The following CLNS1A variants were observed in gnomAD, a reference collection of about 807,000 sequenced individuals.
The protein encoded by CLNS1A is chloride nucleotide-sensitive channel 1A.
In CLNS1A, 16 loss-of-function variants were observed where a neutral mutation model predicts 29.4. The ratio of observed to expected loss-of-function variants is 0.54; its 90% CI spans 0.37 to 0.83. The LOEUF (loss-of-function observed/expected upper bound fraction) is 0.83, where lower values mean the gene tolerates loss of function less well. Ranked by LOEUF, CLNS1A falls within the 40% of genes least tolerant of loss-of-function variation. The pLI, the probability that CLNS1A is intolerant of heterozygous loss-of-function variation, is 0.00. For synonymous variants in CLNS1A, 96 were observed against 104.8 expected, an observed-to-expected ratio of 0.92 and a Z score of 0.51; for missense variants, 235 against 287.4, an observed-to-expected ratio of 0.82 and a Z score of 1.32.
chr11:77,622,294 T>C (rs1049517394), intron 5 of CLNS1A, among the ~76,000 whole-genome samples: 11 of 152,162 alleles, frequency 7.2e-5, no homozygotes, highest in African/African-American at 2.2e-4. Context: ...TTTTTGACTA[T>C]GAACAAAGAC....
intron 2 of CLNS1A, among the ~76,000 whole-genome samples, chr11:77,626,171 T>A (rs1959016687): frequency 6.6e-6 from 1 of 152,158 alleles, no homozygotes; most frequent in African/African-American, 2.4e-5. Context: ...TGGACACCCT[T>A]GCCCTCTCAG....
At chr11:77,635,945 G>C (rs1466999152) in intron 1 of CLNS1A, among the ~76,000 whole-genome samples, 1 of 151,660 alleles carries the variant, frequency 6.6e-6, no homozygotes, top group African/African-American at 2.4e-5. Context: ...GTATCCCTAG[G>C]GTTCTACACT....
rs1019820406 is a variant in CLNS1A at position 77,637,767 on chromosome 11, G to C, written c.-53C>G. 6 of 1,510,172 alleles carry C rather than the reference G, an allele frequency of 4.0e-6. No homozygotes were observed. The African/African-American group carries it at 7.0e-5, about 17-fold the overall frequency. The allele number at this position is 1,510,172 out of a possible 1,614,324, so 93.5% of individuals were successfully genotyped here. A position where few individuals can be genotyped will look rare whatever the true frequency, so the allele number is the denominator to read the frequency against. On this transcript the variant is annotated 5_prime_UTR_variant, in exon 1 of 7. Transcript: ENST00000525428. ...TGAGGGAGTTGGAGCACAGCAATGC[G>C]TGCACCACACCGCCCGCCCTGGAAG...
chr11:77,628,807 A>T (rs1032698610), intron 2 of CLNS1A, among the ~76,000 whole-genome samples: 1 of 152,230 alleles, frequency 6.6e-6, no homozygotes, highest in Non-Finnish European at 1.5e-5. Flanking sequence ...CTTTGCAATT[A>T]TCCCAAAGCA....
chr11:77,615,327 C>CT lies in CLNS1A; in HGVS notation c.*1390dup, dbSNP rs1958898272. ...CCATTGAAATGTTAACACTGAAACC[C>CT]TGCAGCAGTGGGGAGAGTGTGCATG... On this transcript the variant is annotated 3_prime_UTR_variant, in exon 7 of 7. Transcript: ENST00000525428. 2.0e-5 allele frequency: 3 copies of CT among 152,106 alleles called. No individual in the cohort carries two copies. Among genetic ancestry groups the CT allele is most frequent in the Admixed American group, 1.3e-4 (2 of 15,238 alleles). The allele number at this position is 152,106 out of a possible 1,614,324, so 9.4% of individuals were successfully genotyped here.
chr11:77,628,015 A>G (rs933476013), intron 2 of CLNS1A, among the ~76,000 whole-genome samples: 4 of 152,074 alleles, frequency 2.6e-5, no homozygotes, highest in Admixed American at 1.3e-4. Context: ...TAGTAGAGAC[A>G]GGGTTTCACC....
chr11:77,621,832 A>T (rs1421010011), intron 5 of CLNS1A: 2 of 388,554 alleles, frequency 5.1e-6, no homozygotes, highest in East Asian at 1.4e-4. Context: ...GTCTCATTTA[A>T]TCAGCTGGAG....
At position 77,637,730 on chromosome 11, in the gene CLNS1A, C is replaced by T. The variant is rs370998252; in HGVS notation, c.-16G>A. 111 of 1,552,028 alleles carry T rather than the reference C, an allele frequency of 7.2e-5. No homozygotes were observed. The highest frequency in any genetic ancestry group is 3.3e-4 in the Middle Eastern group (2 of 5,996). On this transcript the variant is annotated 5_prime_UTR_variant, in exon 1 of 7. Coordinates refer to ENST00000525428, the MANE Select transcript of CLNS1A (RefSeq NM_001293.3). ...GGAAGCTCATAGCAGCAGAGTGCGGCAACACAGGCCCTGAGGGAGTTGGAG... is the reference window on the plus strand; with the variant it reads ...GGAAGCTCATAGCAGCAGAGTGCGGTAACACAGGCCCTGAGGGAGTTGGAG...
Position 77,637,660 on chromosome 11 carries a change from G to A in CLNS1A, c.55C>T (p.Gln19Ter). 1 of 1,573,818 alleles carries A rather than the reference G, an allele frequency of 6.4e-7. No individual in the cohort carries two copies. Among genetic ancestry groups the A allele is most frequent in the Non-Finnish European group, 8.6e-7 (1 of 1,160,184 alleles). ...AGCACAGCCTCAGTGTCTGGCTGCTGCCGCAGGAGCCCCTCCGCTGGCCCA... is the reference window on the plus strand; with the variant it reads ...AGCACAGCCTCAGTGTCTGGCTGCTACCGCAGGAGCCCCTCCGCTGGCCCA... ...PPGPAEGLLR[Q>*]QPDTEAVLNG... The change falls in exon 1 of 7, where the codon CAG (glutamine) becomes TAG (stop). Residue 19 changes from glutamine to a stop codon, truncating the protein, a stop_gained. Coordinates refer to ENST00000525428, the MANE Select transcript of CLNS1A (RefSeq NM_001293.3). LOFTEE classifies it high-confidence loss of function.
rs1296889398 is a variant in CLNS1A, at chr11:77,614,892, CCTG to C, written c.*1823_*1825del. 6.6e-6 allele frequency: 1 copy of C among 152,114 alleles called. No homozygotes were observed. Among genetic ancestry groups the C allele is most frequent in the African/African-American group, 2.4e-5 (1 of 41,400 alleles). 9.4% of individuals were successfully genotyped at this position (152,114 alleles called of 1,614,324 possible). On this transcript the variant is annotated 3_prime_UTR_variant, in exon 7 of 7. Transcript: ENST00000525428. ...TAAATTTTATCTTTTAAAAGCCTGA[CCTG>C]CTCTTTTTTCTCAGCTTCTATTTTC...
intron 2 of CLNS1A, among the ~76,000 whole-genome samples, chr11:77,626,046 G>A (rs978100698): frequency 3.9e-5 from 6 of 151,914 alleles, no homozygotes; most frequent in South Asian, 2.1e-4. Flanking sequence ...TGCTCCCTCC[G>A]CGCCTCACCG....
chr11:77,632,219 C>T (rs951949753), intron 1 of CLNS1A, among the ~76,000 whole-genome samples: 4 of 152,196 alleles, frequency 2.6e-5, no homozygotes, highest in Non-Finnish European at 4.4e-5. Flanking sequence ...CCAAGTATCA[C>T]GAGTCCCCTA....
intron 1 of CLNS1A, among the ~76,000 whole-genome samples, chr11:77,631,884 T>C (rs1590803255): frequency 6.6e-6 from 1 of 152,128 alleles, no homozygotes; most frequent in Non-Finnish European, 1.5e-5. Context: ...ATTACAAGCG[T>C]GTGACACCAC....
intron 2 of CLNS1A, 88 bp from the exon 3 acceptor site, chr11:77,625,906 AATTTCCAATTATGGTTGACAAATTT>A (rs2135768148): frequency 9.2e-7 from 1 of 1,091,176 alleles, no homozygotes; most frequent in East Asian, 2.6e-5. Context: ...ATTCAATTTT[AATTTCCAATTATGGTTGACAAATTT>A]ATTTCCAATT....
intron 1 of CLNS1A, among the ~76,000 whole-genome samples, chr11:77,632,703 T>C (rs1189379248): frequency 6.6e-6 from 1 of 152,194 alleles, no homozygotes; most frequent in East Asian, 1.9e-4. Context: ...AAATCATATA[T>C]TAATATTCAC....
chr11:77,622,357 CT>C, intron 5 of CLNS1A, 142 bp downstream of exon 5: 2 of 646,726 alleles, frequency 3.1e-6, no homozygotes, highest in Non-Finnish European at 2.6e-6. Context: ...ATAAGCATTC[CT>C]ATACTATGTA....
rs1445017040 is a variant in CLNS1A at position 77,614,855 on chromosome 11, G to A, written c.*1863C>T. The A allele has an allele frequency of 6.6e-6, 1 of 152,108 alleles. No homozygotes were observed. The highest frequency in any genetic ancestry group is 1.5e-5 in the Non-Finnish European group (1 of 68,028). 9.4% of individuals were successfully genotyped at this position (152,108 alleles called of 1,614,324 possible). ...CAAATGAAATCAATAAATATTGTCT[G>A]GCTGATCATTATAAATTTTATCTTT... On this transcript the variant is annotated 3_prime_UTR_variant, in exon 7 of 7. Coordinates refer to ENST00000525428, the MANE Select transcript of CLNS1A (RefSeq NM_001293.3).
chr11:77,623,817 A>C (rs995880465), intron 4 of CLNS1A, among the ~76,000 whole-genome samples: 1 of 152,176 alleles, frequency 6.6e-6, no homozygotes, highest in Non-Finnish European at 1.5e-5. Context: ...AGAAAAGAGA[A>C]CAGCAGGTAC....
rs1019820406 is a variant in CLNS1A at position 77,637,767 on chromosome 11, G to A, written c.-53C>T. ...TGAGGGAGTTGGAGCACAGCAATGC[G>A]TGCACCACACCGCCCGCCCTGGAAG... is the stretch of plus-strand genomic sequence containing the variant. On this transcript the variant is annotated 5_prime_UTR_variant, in exon 1 of 7. The change creates a new upstream start codon in the 5' untranslated region. Coordinates refer to ENST00000525428, the MANE Select transcript of CLNS1A (RefSeq NM_001293.3). The A allele has an allele frequency of 8.6e-6, 13 of 1,510,172 alleles. No individual in the cohort carries two copies. In the South Asian group the frequency reaches 1.1e-4, roughly 13 times the overall value. The allele number at this position is 1,510,172 out of a possible 1,614,324, so 93.5% of individuals were successfully genotyped here.
Sources: allele counts gnomAD v4.1 joint callset (sites outside exome capture counted in the v4.1 genomes callset), GRCh38; gene constraint gnomAD v4.1.1; transcripts MANE v1.5; gene names NCBI Gene and HGNC (gene_info 2026-07-23, HGNC 2026-07-21).